Variants in EDRF1 observed in about 807,000 individuals in gnomAD.
EDRF1 encodes erythroid differentiation-related factor 1.
Under a neutral mutation model 148.7 loss-of-function variants are expected in EDRF1, and 69 were observed. The ratio of observed to expected loss-of-function variants is 0.46; its 90% CI spans 0.38 to 0.57. EDRF1 has a LOEUF of 0.57. EDRF1 is among the 20% of genes least tolerant of loss of function. EDRF1 has a pLI of 0.00. For missense variants in EDRF1, 1,118 were observed against 1,478.7 expected, an observed-to-expected ratio of 0.76 and a Z score of 4.00; for synonymous variants, 515 against 532.8, an observed-to-expected ratio of 0.97 and a Z score of 0.46.
At chr10:125,740,708 G>T in intron 16 of EDRF1, 57 bp downstream of exon 16, 1 of 1,549,930 alleles carries the variant, frequency 6.5e-7, no homozygotes, top group South Asian at 1.1e-5. Flanking sequence ...AACAGAGAAG[G>T]CATCTGAATC....
In EDRF1 at chr10:125,721,308, A is replaced by C; in HGVS notation, c.213A>C (p.Thr71=). ...CATTTGCACGCCTTGAAGAGAAAACAGACTTGAAACTCCCACCTGCCAACT... is the reference window on the plus strand; with the variant it reads ...CATTTGCACGCCTTGAAGAGAAAACCGACTTGAAACTCCCACCTGCCAACT... ...RTAFARLEEK[T]DLKLPPANWL... The change falls in exon 2 of 25, where the codon ACA becomes ACC. Residue 71 remains threonine (T), a synonymous_variant. Transcript: ENST00000356792. 1 of 1,614,214 alleles carries C rather than the reference A, an allele frequency of 6.2e-7. No individual in the cohort carries two copies. The highest frequency in any genetic ancestry group is 2.2e-5 in the East Asian group (1 of 44,888).
chr10:125,740,549 C>G lies in EDRF1; in HGVS notation c.2068C>G (p.Leu690Val). 6.2e-7 allele frequency: 1 copy of G among 1,614,084 alleles called. No homozygotes were observed. The highest frequency in any genetic ancestry group is 8.5e-7 in the Non-Finnish European group (1 of 1,180,002). Residue 690 changes from leucine to valine, a missense_variant, in exon 16 of 25, where the codon CTC becomes GTC. This residue lies in a region of EDRF1 where 954 missense variants were observed against 1,241.4 expected (regional missense o/e 0.77). Coordinates refer to ENST00000356792, the MANE Select transcript of EDRF1 (RefSeq NM_001202438.2). ...ACATAAAATGAAACTTCAGCTGATT[C>G]TCAAGTCATCAAAGGCCTATTATGT... is the stretch of plus-strand genomic sequence containing the variant. The part of the protein sequence containing the change: ...WQHKMKLQLI[L>V]KSSKAYYVLS...
At chr10:125,729,140 C>A (rs1414280043) in intron 7 of EDRF1, 36 bp downstream of exon 7, 1 of 1,526,472 alleles carries the variant, frequency 6.6e-7, no homozygotes. Flanking sequence ...GACAGCAAAT[C>A]CCCAGTCTAC....
In EDRF1 at chr10:125,740,668, G is replaced by T; in HGVS notation, c.2170+17G>T. ...AAAGCCATGGTAAGCCACTATAAAT[G>T]AATATGTTTAATAGGCACTGGGAAG... On this transcript the variant is annotated intron_variant, in intron 16 of 24. Coordinates refer to ENST00000356792, the MANE Select transcript of EDRF1 (RefSeq NM_001202438.2). 6.2e-7 allele frequency: 1 copy of T among 1,610,238 alleles called. No homozygotes were observed.
intron 13 of EDRF1, among the ~76,000 whole-genome samples, 191 bp downstream of exon 13, chr10:125,736,095 G>T (rs1417710254): frequency 6.6e-6 from 1 of 152,138 alleles, no homozygotes; most frequent in Non-Finnish European, 1.5e-5. Context: ...CATTATGCAA[G>T]CCTATAGTGG....
Position 125,741,215 on chromosome 10 carries a change from T to C in EDRF1, c.2371+14T>C, listed in dbSNP as rs767979489. On this transcript the variant is annotated intron_variant, in intron 17 of 24. Coordinates refer to ENST00000356792, the MANE Select transcript of EDRF1 (RefSeq NM_001202438.2). The stretch of plus-strand genomic sequence containing the variant: ...CCAGTTGCCAAGGTGTGCCACAGGC[T>C]TGGACCACGTGGTTCACAGTGGGAC... 1 of 1,613,178 alleles carries C rather than the reference T, an allele frequency of 6.2e-7. No homozygotes were observed. Among genetic ancestry groups the C allele is most frequent in the Non-Finnish European group, 8.5e-7 (1 of 1,179,154 alleles).
intron 15 of EDRF1, 105 bp downstream of exon 15, chr10:125,738,550 G>A: frequency 7.4e-7 from 1 of 1,346,834 alleles, no homozygotes; most frequent in Non-Finnish European, 1.1e-6. Context: ...AAGGCATTGA[G>A]AAAAAGATAT....
chr10:125,741,408 C>T (rs1411964612), intron 17 of EDRF1: 2 of 588,326 alleles, frequency 3.4e-6, no homozygotes, highest in Non-Finnish European at 6.3e-6. Flanking sequence ...ACCTCCGCCT[C>T]CCGGGTTCAA....
At chr10:125,753,609 A>G in intron 23 of EDRF1, 85 bp from the exon 24 acceptor site, 4 of 1,440,164 alleles carry the variant, frequency 2.8e-6, no homozygotes, top group Admixed American at 3.3e-5. Context: ...TATTGGATGA[A>G]TGAAACTGCA....
At chr10:125,747,782 T>C (rs988230257) in intron 20 of EDRF1, 81 bp from the exon 21 acceptor site, 31 of 1,609,730 alleles carry the variant, frequency 1.9e-5, no homozygotes, top group Non-Finnish European at 2.6e-5. Context: ...TTTTCCCTAA[T>C]AAGCAGTATT....
At chr10:125,758,112 G>T (rs944005369) in intron 24 of EDRF1, among the ~76,000 whole-genome samples, 1 of 151,998 alleles carries the variant, frequency 6.6e-6, no homozygotes, top group African/African-American at 2.4e-5. Flanking sequence ...ACTTGGTTTT[G>T]TGTCATCTAC....
In EDRF1 at chr10:125,735,119, G is replaced by C. The variant is rs565564027; in HGVS notation, c.1498-525G>C. On this transcript the variant is annotated intron_variant, in intron 12 of 24. Coordinates refer to ENST00000356792, the MANE Select transcript of EDRF1 (RefSeq NM_001202438.2). ...TGTGATTAAGAACTGATAAATAGTA[G>C]AATGGGTTAAATGGTCATATATAAA... Among the ~76,000 whole-genome samples the C allele has an allele frequency of 4.8e-3, 727 of 152,204 alleles. 1 individual carries two copies. Among genetic ancestry groups the C allele is most frequent in the African/African-American group, 0.016 (685 of 41,534 alleles).
At position 125,763,694 on chromosome 10, in the gene EDRF1, A is replaced by G. The variant is rs946627069; in HGVS notation, c.*222A>G. The stretch of plus-strand genomic sequence containing the variant: ...CAGAATCAAACTTAAAGCTTCCACT[A>G]TTTATGTCTTTGAGAAGTATGTAGT... On this transcript the variant is annotated 3_prime_UTR_variant, in exon 25 of 25. Transcript: ENST00000356792. The surrounding 1 kb of genome is among the most constrained non-coding windows in gnomAD (Gnocchi z 4.3). The G allele has an allele frequency of 8.4e-6, 5 of 593,554 alleles. No homozygotes were observed. Among genetic ancestry groups the G allele is most frequent in the African/African-American group, 7.5e-5 (4 of 53,638 alleles). 36.8% of individuals were successfully genotyped at this position (593,554 alleles called of 1,614,324 possible).
At position 125,752,787 on chromosome 10, in the gene EDRF1, T is replaced by G. The variant is rs753692126; in HGVS notation, c.3278-12T>G. ...TATTAAAGAAATGAACGTTTTGTAT[T>G]TAAAACTTTAGGTCAGAATAGCAAT... is the stretch of plus-strand genomic sequence containing the variant. On this transcript the variant is annotated splice_polypyrimidine_tract_variant and intron_variant, in intron 22 of 24. Coordinates refer to ENST00000356792, the MANE Select transcript of EDRF1 (RefSeq NM_001202438.2). 12 of 1,561,276 alleles carry G rather than the reference T, an allele frequency of 7.7e-6. No homozygotes were observed. The highest frequency in any genetic ancestry group is 1.1e-5 in the Non-Finnish European group (12 of 1,132,204).
At chr10:125,727,221 C>G (rs905179983) in intron 6 of EDRF1, among the ~76,000 whole-genome samples, 1 of 152,204 alleles carries the variant, frequency 6.6e-6, no homozygotes, top group Non-Finnish European at 1.5e-5. Flanking sequence ...CCACACACAG[C>G]AAGGCCCTAC....
Position 125,729,118 on chromosome 10 carries a change from G to T in EDRF1, c.894+14G>T. 6.5e-7 allele frequency: 1 copy of T among 1,548,220 alleles called. No individual in the cohort carries two copies. The highest frequency in any genetic ancestry group is 8.7e-7 in the Non-Finnish European group (1 of 1,152,070). On this transcript the variant is annotated intron_variant, in intron 7 of 24. Coordinates refer to ENST00000356792, the MANE Select transcript of EDRF1 (RefSeq NM_001202438.2). Reference sequence around the variant, plus strand: ...GAGCACAGTCAGGTATGCTTTCCATGGTGTCCAAGGTGACAGCAAATCCCC... The same window carrying T: ...GAGCACAGTCAGGTATGCTTTCCATTGTGTCCAAGGTGACAGCAAATCCCC...
In EDRF1 at chr10:125,719,838, G is replaced by T; in HGVS notation, c.31G>T (p.Gly11Cys). 3 of 1,612,258 alleles carry T rather than the reference G, an allele frequency of 1.9e-6. No individual in the cohort carries two copies. Among genetic ancestry groups the T allele is most frequent in the Non-Finnish European group, 2.5e-6 (3 of 1,179,618 alleles). Residue 11 changes from glycine to cysteine, a missense_variant, in exon 1 of 25, where the codon GGT becomes TGT. Gly to Cys is a radical substitution (Grantham distance 159). This residue lies in a region of EDRF1 where 65 missense variants were observed against 50.3 expected (regional missense o/e 1.29). Coordinates refer to ENST00000356792, the MANE Select transcript of EDRF1 (RefSeq NM_001202438.2). ...GGATGCCAAGGAGGCCGGAGCCGAGGGTCCGCCGGCCGGGGCCGCCGCTCG... is the reference window on the plus strand; with the variant it reads ...GGATGCCAAGGAGGCCGGAGCCGAGTGTCCGCCGGCCGGGGCCGCCGCTCG... MGDAKEAGAE[G>C]PPAGAAARGG... is the part of the protein sequence containing the mutation.
chr10:125,748,048 A>G, intron 21 of EDRF1, 36 bp downstream of exon 21: 1 of 1,612,206 alleles, frequency 6.2e-7, no homozygotes, highest in Non-Finnish European at 8.5e-7. Context: ...GTGCCACATC[A>G]GTTTAAAAGT....
chr10:125,725,558 G>A, intron 5 of EDRF1, 116 bp downstream of exon 5: 1 of 1,564,050 alleles, frequency 6.4e-7, no homozygotes, highest in Non-Finnish European at 8.8e-7. Flanking sequence ...GTTAACATTT[G>A]TTTCATATTT....
Sources: gnomAD v4.1 joint callset for allele counts (sites outside exome capture counted in the v4.1 genomes callset) on GRCh38, gnomAD v4.1.1 for gene constraint, gnomAD v4.1.1 regional missense constraint, Gnocchi (gnomAD v3.1) non-coding constraint, MANE v1.5 for transcripts, NCBI Gene and HGNC (gene_info 2026-07-23, HGNC 2026-07-21) for gene names.